Variants in SSBP2 observed in about 807,000 individuals in gnomAD.
SSBP2 encodes the protein single stranded DNA binding protein 2.
A neutral mutation model predicts 61.8 loss-of-function variants in SSBP2; 17 were observed. That is an observed-to-expected ratio of 0.28 (90% confidence interval 0.19 to 0.41). The LOEUF is 0.41. SSBP2 is among the 10% of genes least tolerant of loss of function. SSBP2 has a pLI of 1.00. For missense variants in SSBP2, 310 were observed against 458.7 expected (o/e 0.68, Z 2.96); for synonymous variants, 139 against 141.3 (o/e 0.98, Z 0.12).
chr5:81,461,885 A>AG (rs1764570532), intron 9 of SSBP2, among the ~76,000 whole-genome samples: 1 of 152,194 alleles, frequency 6.6e-6, no homozygotes, highest in Non-Finnish European at 1.5e-5. Context: ...TCTTGTCCTC[A>AG]TACTTTAGTA....
intron 4 of SSBP2, among the ~76,000 whole-genome samples, chr5:81,534,843 G>A (rs1007791817): frequency 1.3e-5 from 2 of 151,968 alleles, no homozygotes; most frequent in Non-Finnish European, 2.9e-5. Flanking sequence ...GAACCAGGAA[G>A]CACAGAGAAC....
chr5:81,646,007 A>C (rs1256873572), intron 2 of SSBP2, among the ~76,000 whole-genome samples: 1 of 152,216 alleles, frequency 6.6e-6, no homozygotes, highest in East Asian at 1.9e-4. Context: ...TGATAACAAA[A>C]GCCATCAAGA....
chr5:81,528,812 C>G (rs1330091176), intron 4 of SSBP2, among the ~76,000 whole-genome samples: 2 of 151,994 alleles, frequency 1.3e-5, no homozygotes, highest in Non-Finnish European at 2.9e-5. Flanking sequence ...AATTTACAAG[C>G]AAGTTATAAC....
intron 6 of SSBP2, among the ~76,000 whole-genome samples, chr5:81,479,100 C>T (rs1765796600): frequency 6.6e-6 from 1 of 152,196 alleles, no homozygotes; most frequent in South Asian, 2.1e-4. Context: ...ACTTTTAAAA[C>T]ATTTTTATCA....
intron 1 of SSBP2, among the ~76,000 whole-genome samples, chr5:81,711,700 A>T (rs576265356): frequency 6.6e-6 from 1 of 152,116 alleles, no homozygotes; most frequent in Non-Finnish European, 1.5e-5. Context: ...TGATAAAAAA[A>T]AAAATAAAAC....
intron 5 of SSBP2, among the ~76,000 whole-genome samples, chr5:81,502,168 G>A (rs1402860605): frequency 2.6e-5 from 4 of 151,976 alleles, no homozygotes; most frequent in Non-Finnish European, 5.9e-5. Flanking sequence ...TCACCCCCAG[G>A]ACCACATTGA....
intron 4 of SSBP2, among the ~76,000 whole-genome samples, chr5:81,532,108 G>A (rs1432904854): frequency 6.6e-6 from 1 of 151,944 alleles, no homozygotes; most frequent in East Asian, 1.9e-4. Context: ...GTACTGTCAA[G>A]GCATATACAG....
At chr5:81,667,603 A>G (rs1212038406) in intron 1 of SSBP2, among the ~76,000 whole-genome samples, 3 of 152,200 alleles carry the variant, frequency 2.0e-5, no homozygotes, top group African/African-American at 7.2e-5. Flanking sequence ...ATGTGGCTAG[A>G]AAGTAGCTTA....
At chr5:81,544,529 T>C (rs1474145799) in intron 4 of SSBP2, among the ~76,000 whole-genome samples, 3 of 152,150 alleles carry the variant, frequency 2.0e-5, no homozygotes, top group Non-Finnish European at 4.4e-5. Flanking sequence ...TTTGGAGAAA[T>C]AGTACAACTC....
intron 1 of SSBP2, among the ~76,000 whole-genome samples, chr5:81,713,143 A>G (rs1754910584): frequency 6.6e-6 from 1 of 152,176 alleles, no homozygotes; most frequent in South Asian, 2.1e-4. Flanking sequence ...TGAATACTAA[A>G]CAGACAAAAG....
chr5:81,669,674 G>C (rs1751438051), intron 1 of SSBP2, among the ~76,000 whole-genome samples: 1 of 151,998 alleles, frequency 6.6e-6, no homozygotes, highest in South Asian at 2.1e-4. Context: ...TGAGAGTTGA[G>C]GGGAGGGAAC....
At chr5:81,488,034 TATATATATATATATATATATATATAA>T (rs1371225304) in intron 6 of SSBP2, among the ~76,000 whole-genome samples, 4 of 16,874 alleles carry the variant, frequency 2.4e-4, no homozygotes, top group African/African-American at 2.5e-3. Flanking sequence ...TATATATATA[TATATATATATATATATATATATATAA>T]ATAAAATATC....
chr5:81,446,810 T>C, intron 12 of SSBP2, 58 bp downstream of exon 12: 1 of 1,517,832 alleles, frequency 6.6e-7, no homozygotes, highest in South Asian at 1.2e-5. Flanking sequence ...ACAATTTCTA[T>C]ATTCTGTGAT....
At chr5:81,522,683 T>C (rs1047412171) in intron 4 of SSBP2, among the ~76,000 whole-genome samples, 2 of 152,106 alleles carry the variant, frequency 1.3e-5, no homozygotes, top group Non-Finnish European at 2.9e-5. Context: ...AGAAATAACC[T>C]AGAAATCATT....
Position 81,483,243 on chromosome 5 carries a change from G to C in SSBP2, c.432+6007C>G, listed in dbSNP as rs1015150251. On this transcript the variant is annotated intron_variant, in intron 6 of 16. Transcript: ENST00000320672. ...CAGAGACACAAAGTGAGCACATGCT[G>C]TTGGCTAAATGGCACTTACTGACTT... 3.9e-5 allele frequency among the ~76,000 whole-genome samples: 6 copies of C among 152,124 alleles called. 1 individual carries two copies. The highest frequency in any genetic ancestry group is 8.8e-5 in the Non-Finnish European group (6 of 68,020).
At chr5:81,602,710 A>G (rs913220054) in intron 4 of SSBP2, among the ~76,000 whole-genome samples, 11 of 152,190 alleles carry the variant, frequency 7.2e-5, no homozygotes, top group East Asian at 5.8e-4. Flanking sequence ...AGTTTTCTCT[A>G]TCCATATATC....
At chr5:81,688,751 A>G (rs1753000229) in intron 1 of SSBP2, among the ~76,000 whole-genome samples, 1 of 152,144 alleles carries the variant, frequency 6.6e-6, no homozygotes, top group Admixed American at 6.5e-5. Flanking sequence ...CCTTCCCAAT[A>G]AGGAAAGGCA....
At chr5:81,499,665 A>G (rs753609266) in intron 5 of SSBP2, among the ~76,000 whole-genome samples, 5 of 152,234 alleles carry the variant, frequency 3.3e-5, no homozygotes, top group Non-Finnish European at 7.3e-5. Flanking sequence ...ATTTAAAAAA[A>G]TAACAGTTTG....
At chr5:81,601,565 A>T (rs1304699977) in intron 4 of SSBP2, among the ~76,000 whole-genome samples, 1 of 152,210 alleles carries the variant, frequency 6.6e-6, no homozygotes, top group Admixed American at 6.5e-5. Context: ...GAAAAGGTAC[A>T]TGAGATCTCT....
Sources: allele counts gnomAD v4.1 joint callset (sites outside exome capture counted in the v4.1 genomes callset), GRCh38; gene constraint gnomAD v4.1.1; transcripts MANE v1.5; gene names NCBI Gene and HGNC (gene_info 2026-07-23, HGNC 2026-07-21).